The following TNKS2 variants were observed in gnomAD, a reference collection of about 807,000 sequenced individuals.
The protein encoded by TNKS2 is poly [ADP-ribose] polymerase tankyrase-2.
Under a neutral mutation model 137.6 loss-of-function variants are expected in TNKS2, and 72 were observed. The observed-to-expected ratio is 0.52, with a 90% CI of 0.43 to 0.64. TNKS2 has a LOEUF of 0.64. Among genes scored for constraint, TNKS2 ranks in the 30% least tolerant of loss-of-function variants. The probability of loss-of-function intolerance (pLI) is 0.00; values close to 1 mark genes in which losing one functional copy is unlikely to be tolerated. For missense variants in TNKS2, 1,049 were observed against 1,410.2 expected, an observed-to-expected ratio of 0.74 and a Z score of 4.10; for synonymous variants, 516 against 512.1, an observed-to-expected ratio of 1.01 and a Z score of -0.10.
rs191886824 is a variant in TNKS2 at position 91,828,795 on chromosome 10, C to T, written c.1104+389C>T. 4.5e-3 allele frequency among the ~76,000 whole-genome samples: 682 copies of T among 152,194 alleles called. 9 individuals are homozygous for T. The highest frequency in any genetic ancestry group is 0.016 in the African/African-American group (647 of 41,542). ...AAATACCACCATCCAGATGAAAACA[C>T]TTGGTGTAGTCCCTTCCTTCTTCAA... On this transcript the variant is annotated intron_variant, in intron 9 of 26. Transcript: ENST00000371627.
intron 13 of TNKS2, among the ~76,000 whole-genome samples, chr10:91,838,567 C>A (rs1018341174): frequency 5.8e-4 from 88 of 152,238 alleles, no homozygotes; most frequent in African/African-American, 1.7e-3. Context: ...AGTAGAATGG[C>A]CTGTGATAAC....
chr10:91,852,481 A>C (rs1270399134), intron 21 of TNKS2, among the ~76,000 whole-genome samples: 1 of 152,000 alleles, frequency 6.6e-6, no homozygotes, highest in African/African-American at 2.4e-5. Flanking sequence ...AATGGCGTGA[A>C]CCCGGGAGGC....
intron 9 of TNKS2, among the ~76,000 whole-genome samples, chr10:91,830,181 C>A (rs1301110348): frequency 6.6e-6 from 1 of 152,104 alleles, no homozygotes; most frequent in Non-Finnish European, 1.5e-5. Flanking sequence ...AGTGCTATTA[C>A]CAAACAGAAT....
At chr10:91,817,363 A>G (rs780638086) in intron 3 of TNKS2, 134 bp downstream of exon 3, 21 of 531,494 alleles carry the variant, frequency 4.0e-5, no homozygotes, top group Non-Finnish European at 6.8e-5. Flanking sequence ...ATCCTTTTCT[A>G]CGTCTAGATA....
intron 21 of TNKS2, 87 bp downstream of exon 21, chr10:91,851,423 G>GT (rs1554840576): frequency 6.9e-7 from 1 of 1,440,296 alleles, no homozygotes; most frequent in Non-Finnish European, 9.4e-7. Flanking sequence ...TTAAAAATAT[G>GT]AGAGAATCTG....
At chr10:91,809,583 G>A (rs367879508) in intron 1 of TNKS2, among the ~76,000 whole-genome samples, 14 of 151,608 alleles carry the variant, frequency 9.2e-5, no homozygotes, top group African/African-American at 2.9e-4. Context: ...GGAGAATGGC[G>A]TGAACCTGGG....
intron 11 of TNKS2, among the ~76,000 whole-genome samples, chr10:91,833,637 G>A (rs879809874): frequency 1.3e-5 from 2 of 152,038 alleles, no homozygotes; most frequent in East Asian, 1.9e-4. Flanking sequence ...TCAGCATCTC[G>A]CATTTAACCC....
chr10:91,805,804 A>G (rs1844307148), intron 1 of TNKS2, among the ~76,000 whole-genome samples: 1 of 151,968 alleles, frequency 6.6e-6, no homozygotes, highest in Admixed American at 6.6e-5. Context: ...TTTTTCTCTT[A>G]CTCTCCAATT....
At chr10:91,806,042 C>CTTTTT (rs34004456) in intron 1 of TNKS2, among the ~76,000 whole-genome samples, 2 of 130,072 alleles carry the variant, frequency 1.5e-5, no homozygotes, top group African/African-American at 5.7e-5. Context: ...CATTCTTTCT[C>CTTTTT]TTTTTTTTTT....
In TNKS2 at chr10:91,837,027, C is replaced by G. The variant is rs557727513; in HGVS notation, c.1527+29C>G. ...AGATACAGTGTTACGTTTCTGTTAA[C>G]TTTGGGTTTTTATTTTGACATTGTT... On this transcript the variant is annotated intron_variant, in intron 13 of 26. Transcript: ENST00000371627. 5.0e-6 allele frequency: 8 copies of G among 1,604,888 alleles called. No homozygotes were observed. In the South Asian group the frequency reaches 9.0e-5, roughly 18 times the overall value.
chr10:91,864,992 A>G lies in TNKS2; in HGVS notation c.*1993A>G, dbSNP rs1240390751. 6.6e-6 allele frequency: 1 copy of G among 152,522 alleles called. No homozygotes were observed. Among genetic ancestry groups the G allele is most frequent in the Admixed American group, 6.6e-5 (1 of 15,246 alleles). 9.4% of individuals were successfully genotyped at this position (152,522 alleles called of 1,614,324 possible). ...GCTTAATGAGTGTGTTTTTCCATGAATGAATATACCGTGGTTCATATGTTA... is the reference window on the plus strand; with the variant it reads ...GCTTAATGAGTGTGTTTTTCCATGAGTGAATATACCGTGGTTCATATGTTA... On this transcript the variant is annotated 3_prime_UTR_variant, in exon 27 of 27. Transcript: ENST00000371627.
chr10:91,837,096 T>C, intron 13 of TNKS2, 98 bp downstream of exon 13: 5 of 1,221,564 alleles, frequency 4.1e-6, no homozygotes, highest in Non-Finnish European at 5.6e-6. Context: ...TTTATTTGTA[T>C]GGGCCTTGCC....
intron 9 of TNKS2, among the ~76,000 whole-genome samples, chr10:91,828,621 A>G (rs998619203): frequency 6.6e-6 from 1 of 152,000 alleles, no homozygotes; most frequent in African/African-American, 2.4e-5. Flanking sequence ...AATCCTCAGA[A>G]AAAAAAAATT....
intron 5 of TNKS2, among the ~76,000 whole-genome samples, 186 bp downstream of exon 5, chr10:91,819,743 C>T (rs1354805534): frequency 6.6e-6 from 1 of 152,164 alleles, no homozygotes; most frequent in East Asian, 1.9e-4. Context: ...TTATTTGCTT[C>T]CTATATGCAA....
rs991721424 is a variant in TNKS2 at position 91,864,003 on chromosome 10, C to G, written c.*1004C>G. The G allele has an allele frequency of 6.6e-6, 1 of 151,942 alleles. No homozygotes were observed. The highest frequency in any genetic ancestry group is 1.5e-5 in the Non-Finnish European group (1 of 67,976). 9.4% of individuals were successfully genotyped at this position (151,942 alleles called of 1,614,324 possible). On this transcript the variant is annotated 3_prime_UTR_variant, in exon 27 of 27. Coordinates refer to ENST00000371627, the MANE Select transcript of TNKS2 (RefSeq NM_025235.4). ...TAAAGGGGAAAAAAAAAATCACAAA[C>G]AGGACTGGGTAGTTTTTTATCCTAA...
chr10:91,828,897 A>G (rs369868655), intron 9 of TNKS2, among the ~76,000 whole-genome samples: 4 of 152,326 alleles, frequency 2.6e-5, no homozygotes, highest in African/African-American at 9.6e-5. Flanking sequence ...TGGAACTATG[A>G]CAAAGTAGAT....
chr10:91,840,423 C>T, intron 13 of TNKS2, 138 bp from the exon 14 acceptor site: 2 of 718,160 alleles, frequency 2.8e-6, no homozygotes, highest in Non-Finnish European at 4.5e-6. Flanking sequence ...AATAAGAATA[C>T]TAAATAGTTT....
chr10:91,855,542 GA>G (rs1162101703), intron 22 of TNKS2, 71 bp from the exon 23 acceptor site: 1 of 1,202,312 alleles, frequency 8.3e-7, no homozygotes, highest in Non-Finnish European at 1.2e-6. Context: ...GACGAGTCAA[GA>G]ACCATGTTCC....
chr10:91,851,425 G>C (rs1842535391), intron 21 of TNKS2, 89 bp downstream of exon 21: 2 of 711,550 alleles, frequency 2.8e-6, no homozygotes, highest in South Asian at 4.9e-5. Context: ...AAAAATATGA[G>C]AGAATCTGTT....
Sources: gnomAD v4.1 joint callset for allele counts (sites outside exome capture counted in the v4.1 genomes callset) on GRCh38, gnomAD v4.1.1 for gene constraint, MANE v1.5 for transcripts, NCBI Gene and HGNC (gene_info 2026-07-23, HGNC 2026-07-21) for gene names.